The following BMS1 variants were observed in gnomAD, a reference collection of about 807,000 sequenced individuals.
BMS1 encodes the protein BMS1 ribosome biogenesis factor.
BMS1 carries 53 observed loss-of-function variants against 138.7 expected under a neutral mutation model. The observed-to-expected ratio is 0.38, with a 90% CI of 0.31 to 0.48. The LOEUF is 0.48. BMS1 is among the 20% of genes least tolerant of loss of function. BMS1 has a pLI of 0.97. For missense variants in BMS1, 1,360 were observed against 1,565.5 expected (o/e 0.87, Z 2.22); for synonymous variants, 504 against 539.9 (o/e 0.93, Z 0.92).
chr10:42,829,778 G>A (rs752738936), intron 21 of BMS1, among the ~76,000 whole-genome samples: 6 of 152,034 alleles, frequency 3.9e-5, no homozygotes, highest in South Asian at 2.1e-4. Flanking sequence ...CCGAGATCAC[G>A]GCACTGCTCT....
intron 12 of BMS1, among the ~76,000 whole-genome samples, chr10:42,800,525 ATTTT>A (rs71533043): frequency 1.5e-5 from 2 of 131,306 alleles, no homozygotes; most frequent in Non-Finnish European, 1.6e-5. Context: ...TAAATGCTTG[ATTTT>A]TTTTTTTTTT....
chr10:42,795,115 A>T (rs1204107256), intron 9 of BMS1, among the ~76,000 whole-genome samples: 1 of 146,956 alleles, frequency 6.8e-6, no homozygotes. Flanking sequence ...ATGGCTGCAT[A>T]GTATTCCATG....
In BMS1 at chr10:42,831,819, A is replaced by T. The variant is rs1184308627; in HGVS notation, c.*723A>T. On this transcript the variant is annotated 3_prime_UTR_variant, in exon 23 of 23. Coordinates refer to ENST00000374518, the MANE Select transcript of BMS1 (RefSeq NM_014753.4). ...GAGATAGGCTTCCCGTATTATGCTC[A>T]TGCGTTATACCTGCCTAGCTACATT... 3 of 152,258 alleles carry T rather than the reference A, an allele frequency of 2.0e-5. No individual in the cohort carries two copies. The highest frequency in any genetic ancestry group is 2.1e-4 in the South Asian group (1 of 4,832). The allele number at this position is 152,258 out of a possible 1,614,324, so 9.4% of individuals were successfully genotyped here.
chr10:42,829,468 A>G (rs1364734175), intron 21 of BMS1, among the ~76,000 whole-genome samples: 2 of 152,216 alleles, frequency 1.3e-5, no homozygotes, highest in East Asian at 3.8e-4. Context: ...CTTCTTAATT[A>G]GAATCAGGAA....
intron 18 of BMS1, 25 bp downstream of exon 18, chr10:42,821,017 T>C: frequency 6.6e-7 from 1 of 1,512,402 alleles, no homozygotes; most frequent in South Asian, 1.1e-5. Flanking sequence ...TGATTTCTTT[T>C]ACAGATTGGT....
At chr10:42,809,440 G>T (rs1459091904) in intron 13 of BMS1, among the ~76,000 whole-genome samples, 1 of 151,700 alleles carries the variant, frequency 6.6e-6, no homozygotes, top group African/African-American at 2.4e-5. Flanking sequence ...AATTTTTTAG[G>T]GGTAGTGATG....
chr10:42,817,385 A>G lies in BMS1; in HGVS notation c.2471A>G (p.Lys824Arg). 1 of 1,610,782 alleles carries G rather than the reference A, an allele frequency of 6.2e-7. No homozygotes were observed. Among genetic ancestry groups the G allele is most frequent in the South Asian group, 1.1e-5 (1 of 90,608 alleles). The change falls in exon 15 of 23, where the codon AAG becomes AGG. Residue 824 changes from lysine (K) to arginine (R), a missense_variant. By Grantham distance (26) the Lys-to-Arg change is conservative. This residue lies in a region of BMS1 where 425 missense variants were observed against 568.3 expected (regional missense o/e 0.75). Transcript: ENST00000374518. Reference sequence around the variant, plus strand: ...GACGAAGAAGAAAGTGCCAAGAAAAAGCATTTGGATAAGAAGAGAAAATTG... The same window carrying G: ...GACGAAGAAGAAAGTGCCAAGAAAAGGCATTTGGATAAGAAGAGAAAATTG... ...DPDEEESAKKKHLDKKRKLKE... is the reference protein window; with the variant it reads ...DPDEEESAKKRHLDKKRKLKE...
Position 42,831,819 on chromosome 10 carries a change from A to G in BMS1, c.*723A>G, listed in dbSNP as rs1184308627. On this transcript the variant is annotated 3_prime_UTR_variant, in exon 23 of 23. Transcript: ENST00000374518. ...GAGATAGGCTTCCCGTATTATGCTC[A>G]TGCGTTATACCTGCCTAGCTACATT... 1 of 152,258 alleles carries G rather than the reference A, an allele frequency of 6.6e-6. No individual in the cohort carries two copies. The highest frequency in any genetic ancestry group is 1.9e-4 in the East Asian group (1 of 5,198). 9.4% of individuals were successfully genotyped at this position (152,258 alleles called of 1,614,324 possible).
At chr10:42,806,470 C>T (rs1362478234) in intron 13 of BMS1, among the ~76,000 whole-genome samples, 1 of 152,220 alleles carries the variant, frequency 6.6e-6, no homozygotes, top group Non-Finnish European at 1.5e-5. Flanking sequence ...GGCACAGTGG[C>T]TGACGCCTAT....
intron 15 of BMS1, among the ~76,000 whole-genome samples, chr10:42,818,597 G>A (rs1184138863): frequency 6.6e-6 from 1 of 152,208 alleles, no homozygotes; most frequent in South Asian, 2.1e-4. Context: ...GGAAGGACGG[G>A]TTGTTGTAAG....
At chr10:42,810,213 G>A (rs1483731869) in intron 13 of BMS1, among the ~76,000 whole-genome samples, 3 of 151,976 alleles carry the variant, frequency 2.0e-5, no homozygotes, top group East Asian at 1.9e-4. Context: ...TTTTTGTTTT[G>A]TTTTTTCCTT....
At chr10:42,816,454 T>C in intron 13 of BMS1, 145 bp from the exon 14 acceptor site, 1 of 558,214 alleles carries the variant, frequency 1.8e-6, no homozygotes, top group East Asian at 2.9e-5. Flanking sequence ...CATTCCCTAG[T>C]GCAAAGTTTT....
intron 13 of BMS1, among the ~76,000 whole-genome samples, chr10:42,807,199 C>T (rs937605940): frequency 6.6e-6 from 1 of 152,198 alleles, no homozygotes; most frequent in Non-Finnish European, 1.5e-5. Flanking sequence ...CCTGCTGTTC[C>T]CCAGCCCCCA....
intron 21 of BMS1, among the ~76,000 whole-genome samples, chr10:42,830,027 G>A (rs181996352): frequency 6.6e-6 from 1 of 152,080 alleles, no homozygotes; most frequent in South Asian, 2.1e-4. Context: ...AGTGGGTTTT[G>A]GGGGGAGAGT....
intron 9 of BMS1, among the ~76,000 whole-genome samples, chr10:42,796,235 A>C (rs1841678585): frequency 6.6e-6 from 1 of 152,168 alleles, no homozygotes. Flanking sequence ...TTGTTTTTTA[A>C]GGGTTATTCC....
chr10:42,793,895 C>G lies in BMS1; in HGVS notation c.1133C>G (p.Ser378Cys). Residue 378 changes from serine to cysteine, a missense_variant, in exon 9 of 23, where the codon TCT becomes TGT. Transcript: ENST00000374518. ...PTHELVQSLI[S>C]THSTIDAKMA... ...CATGAGCTGGTCCAGAGTCTCATCT[C>G]TACCCACTCCACCATTGATGCCAAG... 6.2e-7 allele frequency: 1 copy of G among 1,611,900 alleles called. No homozygotes were observed. The highest frequency in any genetic ancestry group is 8.5e-7 in the Non-Finnish European group (1 of 1,179,830).
rs559137246 is a variant in BMS1 at position 42,802,266 on chromosome 10, T to C, written c.2329+48T>C. ...CAGGAAGACTGGCTTCTCTAAACTTTATTTTCTTCAGTATCTTAGACAATA... is the reference window on the plus strand; with the variant it reads ...CAGGAAGACTGGCTTCTCTAAACTTCATTTTCTTCAGTATCTTAGACAATA... On this transcript the variant is annotated intron_variant, in intron 13 of 22. Coordinates refer to ENST00000374518, the MANE Select transcript of BMS1 (RefSeq NM_014753.4). The C allele has an allele frequency of 2.7e-4, 414 of 1,531,698 alleles. 4 individuals carry two copies. In the South Asian group the frequency reaches 4.5e-3, roughly 17 times the overall value. The allele number at this position is 1,531,698 out of a possible 1,614,324, so 94.9% of individuals were successfully genotyped here.
chr10:42,824,678 A>G (rs2038960749), intron 21 of BMS1, among the ~76,000 whole-genome samples: 1 of 152,184 alleles, frequency 6.6e-6, no homozygotes, highest in South Asian at 2.1e-4. Context: ...GTGTATGATC[A>G]GGGTCCAATT....
chr10:42,816,223 C>T (rs569267342), intron 13 of BMS1, among the ~76,000 whole-genome samples: 270 of 152,152 alleles, frequency 1.8e-3, no homozygotes, highest in South Asian at 5.8e-3. Context: ...TGCTTGAACC[C>T]GGGAGGCGGA....
Sources: gnomAD v4.1 joint callset for allele counts (sites outside exome capture counted in the v4.1 genomes callset) on GRCh38, gnomAD v4.1.1 for gene constraint, gnomAD v4.1.1 regional missense constraint, MANE v1.5 for transcripts, NCBI Gene and HGNC (gene_info 2026-07-23, HGNC 2026-07-21) for gene names.